Variants in VSNL1 observed in about 807,000 individuals in gnomAD.
VSNL1 encodes the protein visinin-like protein 1.
In VSNL1, 6 loss-of-function variants were observed where a neutral mutation model predicts 20.4. The observed-to-expected ratio is 0.29, with a 90% CI of 0.16 to 0.58. The LOEUF (loss-of-function observed/expected upper bound fraction) is 0.58, where lower values mean the gene tolerates loss of function less well. Ranked by LOEUF, VSNL1 falls within the 20% of genes least tolerant of loss-of-function variation. The pLI is 0.90. For synonymous variants in VSNL1, 93 were observed against 86.4 expected, an observed-to-expected ratio of 1.08 and a Z score of -0.42; for missense variants, 100 against 234.5, an observed-to-expected ratio of 0.43 and a Z score of 3.75.
At chr2:17,586,427 A>G (rs114470890) in intron 1 of VSNL1, among the ~76,000 whole-genome samples, 99 of 152,340 alleles carry the variant, frequency 6.5e-4, no homozygotes, top group African/African-American at 2.3e-3. Flanking sequence ...AGACTGCTTA[A>G]GAGGTTTCAC....
chr2:17,626,170 G>C (rs555128616), intron 2 of VSNL1, among the ~76,000 whole-genome samples: 1 of 152,146 alleles, frequency 6.6e-6, no homozygotes, highest in Non-Finnish European at 1.5e-5. Flanking sequence ...TTGAGGGCTA[G>C]CCATGACCCC....
chr2:17,603,188 C>T (rs1572359019), intron 2 of VSNL1, among the ~76,000 whole-genome samples: 2 of 152,308 alleles, frequency 1.3e-5, no homozygotes, highest in East Asian at 1.9e-4. Flanking sequence ...TTCATTTGAG[C>T]TGCTGTAACA....
chr2:17,599,859 C>T lies in VSNL1; in HGVS notation c.162+7623C>T, dbSNP rs569831471. Among the ~76,000 whole-genome samples, 5 of 152,298 alleles carry T rather than the reference C, an allele frequency of 3.3e-5. No homozygotes were observed. In the South Asian group the frequency reaches 1.0e-3, roughly 32 times the overall value. ...TGCCACCTTTTCATGCTTCCTGTGT[C>T]CTGGGAGTCACATTCAGGAGCAGGC... On this transcript the variant is annotated intron_variant, in intron 2 of 3. Coordinates refer to ENST00000295156, the MANE Select transcript of VSNL1 (RefSeq NM_003385.5).
At position 17,649,677 on chromosome 2, in the gene VSNL1, G is replaced by A. The variant is rs767605184; in HGVS notation, c.378+52G>A. On this transcript the variant is annotated intron_variant, in intron 3 of 3. Coordinates refer to ENST00000295156, the MANE Select transcript of VSNL1 (RefSeq NM_003385.5). The surrounding 1 kb of genome is among the most constrained non-coding windows in gnomAD (Gnocchi z 6.4). ...TGGTGGGCACAGAAGGAGACCCCACGGCAGCCTCCTAGGTGCAGGCCTTAG... is the reference window on the plus strand; with the variant it reads ...TGGTGGGCACAGAAGGAGACCCCACAGCAGCCTCCTAGGTGCAGGCCTTAG... The A allele has an allele frequency of 4.5e-6, 7 of 1,571,766 alleles. No homozygotes were observed. Among genetic ancestry groups the A allele is most frequent in the East Asian group, 2.2e-5 (1 of 44,632 alleles).
At chr2:17,596,450 A>AT (rs1664711425) in intron 2 of VSNL1, among the ~76,000 whole-genome samples, 2 of 152,212 alleles carry the variant, frequency 1.3e-5, no homozygotes, top group African/African-American at 4.8e-5. Context: ...ATTTTCACAG[A>AT]ATTGGCCACG....
chr2:17,578,072 T>A (rs1408648476), intron 1 of VSNL1, among the ~76,000 whole-genome samples: 1 of 152,254 alleles, frequency 6.6e-6, no homozygotes, highest in Non-Finnish European at 1.5e-5. Flanking sequence ...TTGTTATTAC[T>A]GCTAAAATAT....
At chr2:17,587,127 G>A (rs2103371301) in intron 1 of VSNL1, among the ~76,000 whole-genome samples, 1 of 152,172 alleles carries the variant, frequency 6.6e-6, no homozygotes, top group South Asian at 2.1e-4. Context: ...TCCCACTGCT[G>A]TGTTTATCCT....
intron 3 of VSNL1, among the ~76,000 whole-genome samples, chr2:17,651,671 C>T (rs1022864588): frequency 3.9e-5 from 6 of 152,198 alleles, no homozygotes; most frequent in East Asian, 3.8e-4. Flanking sequence ...GTGGGCAGTC[C>T]GGGCCATTTC....
intron 2 of VSNL1, among the ~76,000 whole-genome samples, chr2:17,641,867 G>A (rs540525314): frequency 3.3e-5 from 5 of 152,294 alleles, no homozygotes; most frequent in Admixed American, 1.3e-4. Context: ...TTCACCCTTC[G>A]AAGTTTGATC....
intron 2 of VSNL1, among the ~76,000 whole-genome samples, chr2:17,610,534 GATTT>G (rs1665059773): frequency 6.6e-6 from 1 of 151,938 alleles, no homozygotes; most frequent in South Asian, 2.1e-4. Context: ...TTCTTGCTAA[GATTT>G]ATTTCTTCCC....
chr2:17,610,948 C>G (rs13019617), intron 2 of VSNL1, among the ~76,000 whole-genome samples: 44,813 of 152,040 alleles, frequency 0.29, 8,397 homozygotes, highest in Middle Eastern at 0.58. Flanking sequence ...TCTGATCCTG[C>G]TGGTAGTTTT....
intron 2 of VSNL1, among the ~76,000 whole-genome samples, chr2:17,602,846 T>C (rs1664862856): frequency 6.6e-6 from 1 of 152,178 alleles, no homozygotes; most frequent in African/African-American, 2.4e-5. Context: ...TTAGTTGTCG[T>C]CCACCTTCAA....
At chr2:17,621,737 C>G (rs1299394639) in intron 2 of VSNL1, among the ~76,000 whole-genome samples, 1 of 152,228 alleles carries the variant, frequency 6.6e-6, no homozygotes, top group Non-Finnish European at 1.5e-5. Flanking sequence ...AAGCAACCCT[C>G]TTGTCTCTGC....
intron 2 of VSNL1, among the ~76,000 whole-genome samples, chr2:17,593,567 G>A (rs1019452053): frequency 6.6e-6 from 1 of 152,208 alleles, no homozygotes; most frequent in African/African-American, 2.4e-5. Flanking sequence ...GTATGGCCAT[G>A]TGGTTAGATA....
At chr2:17,596,816 C>T (rs868435430) in intron 2 of VSNL1, among the ~76,000 whole-genome samples, 6 of 152,130 alleles carry the variant, frequency 3.9e-5, no homozygotes, top group South Asian at 2.1e-4. Context: ...AAATCTCTGC[C>T]AGTTTGAATT....
intron 1 of VSNL1, among the ~76,000 whole-genome samples, chr2:17,582,588 A>G (rs1011743595): frequency 2.6e-5 from 4 of 152,164 alleles, no homozygotes; most frequent in African/African-American, 9.7e-5. Context: ...ATAGGTTTAC[A>G]TACAGAAACA....
At chr2:17,650,788 G>T (rs1666107556) in intron 3 of VSNL1, among the ~76,000 whole-genome samples, 1 of 152,206 alleles carries the variant, frequency 6.6e-6, no homozygotes, top group Non-Finnish European at 1.5e-5. Flanking sequence ...TGGGAAGCTG[G>T]CCTCGTTCAC....
intron 2 of VSNL1, among the ~76,000 whole-genome samples, chr2:17,611,928 C>T (rs772283239): frequency 2.6e-4 from 40 of 152,152 alleles, no homozygotes; most frequent in Non-Finnish European, 5.0e-4. Context: ...GGTTTTAGGG[C>T]CTGTTCAGGG....
chr2:17,616,855 C>T (rs1316082425), intron 2 of VSNL1, among the ~76,000 whole-genome samples: 1 of 152,180 alleles, frequency 6.6e-6, no homozygotes, highest in Admixed American at 6.5e-5. Context: ...TCCTGATGAA[C>T]AGGCCTCAGG....
Sources: gnomAD v4.1 joint callset for allele counts (sites outside exome capture counted in the v4.1 genomes callset) on GRCh38, gnomAD v4.1.1 for gene constraint, Gnocchi (gnomAD v3.1) non-coding constraint, MANE v1.5 for transcripts, NCBI Gene and HGNC (gene_info 2026-07-23, HGNC 2026-07-21) for gene names.